Variants in BBS9 observed in about 807,000 individuals in gnomAD.
BBS9 encodes Bardet-Biedl syndrome 9, also known as protein PTHB1.
BBS9 carries 89 observed loss-of-function variants against 117.7 expected under a neutral mutation model. That is an observed-to-expected ratio of 0.76 (90% confidence interval 0.64 to 0.90). The LOEUF is 0.90. Ranked by LOEUF, BBS9 falls within the 40% of genes least tolerant of loss-of-function variation. The probability of loss-of-function intolerance (pLI) is 0.00; values close to 1 mark genes in which losing one functional copy is unlikely to be tolerated. For missense variants in BBS9, 982 were observed against 1,042.2 expected (o/e 0.94, Z 0.80); for synonymous variants, 379 against 370.9 (o/e 1.02, Z -0.25).
chr7:33,240,399 A>G (rs1442463523), intron 5 of BBS9, among the ~76,000 whole-genome samples: 1 of 151,974 alleles, frequency 6.6e-6, no homozygotes, highest in East Asian at 1.9e-4. Context: ...CTGGGACAAC[A>G]GGCAGGCGCC....
chr7:33,562,548 A>G (rs547399806), intron 21 of BBS9, among the ~76,000 whole-genome samples: 79 of 152,278 alleles, frequency 5.2e-4, no homozygotes, highest in African/African-American at 1.7e-3. Context: ...TACAGCCCCA[A>G]ATCCTAAACT....
intron 9 of BBS9, among the ~76,000 whole-genome samples, chr7:33,315,120 G>A (rs1007384391): frequency 3.3e-5 from 5 of 152,152 alleles, no homozygotes; most frequent in Admixed American, 1.3e-4. Context: ...AAATTACAAC[G>A]AAGTTGGTGA....
At chr7:33,265,390 G>A (rs908242113) in intron 7 of BBS9, among the ~76,000 whole-genome samples, 1 of 152,046 alleles carries the variant, frequency 6.6e-6, no homozygotes, top group Admixed American at 6.5e-5. Flanking sequence ...ATATAGTTTT[G>A]CACAGAATTT....
At chr7:33,551,039 T>G (rs1166525835) in intron 21 of BBS9, among the ~76,000 whole-genome samples, 1 of 152,214 alleles carries the variant, frequency 6.6e-6, no homozygotes, top group Non-Finnish European at 1.5e-5. Context: ...ATGATGTCAC[T>G]TTAACTTTCA....
chr7:33,562,900 G>T (rs1432424858), intron 21 of BBS9, among the ~76,000 whole-genome samples: 1 of 152,038 alleles, frequency 6.6e-6, no homozygotes, highest in Non-Finnish European at 1.5e-5. Context: ...CTCCAGGCTG[G>T]TGACAAAGCA....
intron 21 of BBS9, among the ~76,000 whole-genome samples, chr7:33,596,391 C>CTATATA (rs58924113): frequency 1.3e-5 from 2 of 150,410 alleles, no homozygotes; most frequent in African/African-American, 4.9e-5. Flanking sequence ...ATCTATCTAT[C>CTATATA]TATATATAAT....
intron 15 of BBS9, chr7:33,357,620 A>G (rs1819842602): frequency 5.2e-6 from 3 of 577,300 alleles, no homozygotes; most frequent in South Asian, 3.7e-5. Context: ...ACTATTAAAG[A>G]CAGATCTCAT....
In BBS9 at chr7:33,625,266, C is replaced by T. The variant is rs1015262194; in HGVS notation, c.2522-9911C>T. 5.3e-5 allele frequency among the ~76,000 whole-genome samples: 8 copies of T among 152,068 alleles called. No individual in the cohort carries two copies. In the East Asian group the frequency reaches 1.5e-3, roughly 29 times the overall value. Reference sequence around the variant, plus strand: ...GGAGATGAAATAGAAATGAGTTGTACAGGTTTATAAATAATAATAAAATTA... The same window carrying T: ...GGAGATGAAATAGAAATGAGTTGTATAGGTTTATAAATAATAATAAAATTA... On this transcript the variant is annotated intron_variant, in intron 21 of 21. Transcript: ENST00000671952.
intron 17 of BBS9, among the ~76,000 whole-genome samples, chr7:33,372,005 A>T (rs1392084204): frequency 3.3e-5 from 5 of 152,240 alleles, no homozygotes; most frequent in Non-Finnish European, 7.3e-5. Context: ...CGATTAGAGA[A>T]AACTGATACA....
intron 19 of BBS9, among the ~76,000 whole-genome samples, chr7:33,481,480 T>C (rs1294386397): frequency 6.6e-6 from 1 of 152,100 alleles, no homozygotes; most frequent in African/African-American, 2.4e-5. Context: ...AATTAAATTA[T>C]GTAATATGAT....
chr7:33,472,852 T>C (rs79923384), intron 19 of BBS9, among the ~76,000 whole-genome samples: 1,958 of 152,344 alleles, frequency 0.013, 19 homozygotes, highest in Middle Eastern at 0.017. Context: ...ATGATAAACA[T>C]TGTCAACAGT....
intron 9 of BBS9, among the ~76,000 whole-genome samples, chr7:33,321,601 G>T (rs1377518844): frequency 1.3e-5 from 2 of 151,736 alleles, no homozygotes; most frequent in East Asian, 3.9e-4. Flanking sequence ...TACGGAATTT[G>T]TTTTTTAGTT....
At chr7:33,477,872 A>G (rs1009911177) in intron 19 of BBS9, among the ~76,000 whole-genome samples, 4 of 152,204 alleles carry the variant, frequency 2.6e-5, no homozygotes, top group African/African-American at 9.6e-5. Context: ...GCCATCAGAA[A>G]TGGGGAAGAA....
intron 20 of BBS9, among the ~76,000 whole-genome samples, chr7:33,518,806 G>A (rs1315212912): frequency 6.6e-6 from 1 of 152,280 alleles, no homozygotes; most frequent in African/African-American, 2.4e-5. Context: ...TTTGAGATTT[G>A]TGCTGCTCCC....
Position 33,166,952 on chromosome 7 carries a change from C to T in BBS9, c.329-10526C>T, listed in dbSNP as rs149594193. Among the ~76,000 whole-genome samples, 568 of 152,304 alleles carry T rather than the reference C, an allele frequency of 3.7e-3. 3 individuals are homozygous for T. Among genetic ancestry groups the T allele is most frequent in the African/African-American group, 0.012 (513 of 41,562 alleles). ...CTCAGTTGGAAATGCAAAAATCACC[C>T]GTCTTCTGTGTCAGTCACGCTGGGA... On this transcript the variant is annotated intron_variant, in intron 4 of 22. Coordinates refer to ENST00000242067, the MANE Select transcript of BBS9 (RefSeq NM_198428.3).
chr7:33,622,354 G>A (rs534918985), intron 21 of BBS9, among the ~76,000 whole-genome samples: 1 of 152,274 alleles, frequency 6.6e-6, no homozygotes, highest in Admixed American at 6.5e-5. Flanking sequence ...TGAAGAAGGG[G>A]AGGTGTTGGT....
chr7:33,342,067 T>A (rs1293871241), intron 11 of BBS9, among the ~76,000 whole-genome samples: 1 of 151,914 alleles, frequency 6.6e-6, no homozygotes, highest in Non-Finnish European at 1.5e-5. Flanking sequence ...TTGGGAAGTG[T>A]CTTCATTATT....
chr7:33,328,230 G>A (rs1016780672), intron 9 of BBS9, among the ~76,000 whole-genome samples: 5 of 152,180 alleles, frequency 3.3e-5, no homozygotes, highest in African/African-American at 1.2e-4. Flanking sequence ...GTGAAGCCTT[G>A]CTCTGCTCTC....
chr7:33,269,726 GAA>G (rs889472546), intron 7 of BBS9, among the ~76,000 whole-genome samples: 21 of 110,274 alleles, frequency 1.9e-4, no homozygotes, highest in Non-Finnish European at 2.3e-4. Flanking sequence ...ACTCCAAATG[GAA>G]AAAAAAAAAA....
Sources: allele counts gnomAD v4.1 joint callset (sites outside exome capture counted in the v4.1 genomes callset), GRCh38; gene constraint gnomAD v4.1.1; transcripts MANE v1.5; gene names NCBI Gene and HGNC (gene_info 2026-07-23, HGNC 2026-07-21).